The following ACTBL2 variants were observed in gnomAD, a reference collection of about 807,000 sequenced individuals.
ACTBL2 encodes actin beta like 2.
In ACTBL2, 29 loss-of-function variants were observed where a neutral mutation model predicts 23.2. That is an observed-to-expected ratio of 1.25 (90% CI 0.93 to 1.71). The LOEUF is 1.71. Ranked by LOEUF, ACTBL2 falls within the 40% of genes most tolerant of loss-of-function variation. ACTBL2 has a pLI of 0.00. For missense variants in ACTBL2, 524 were observed against 486.2 expected (o/e 1.08, Z -0.73); for synonymous variants, 173 against 182.1 (o/e 0.95, Z 0.40).
In ACTBL2 at chr5:57,481,354, A is replaced by C; in HGVS notation, c.*223T>G. ...TACCTATCTTTGAACAGTATAGGCA[A>C]AGAAAAAGGAATATGGTATTAGAAT... On this transcript the variant is annotated 3_prime_UTR_variant, in exon 1 of 1. Transcript: ENST00000423391. 1 of 568,478 alleles carries C rather than the reference A, an allele frequency of 1.8e-6. No individual in the cohort carries two copies. Among genetic ancestry groups the C allele is most frequent in the Admixed American group, 3.1e-5 (1 of 32,030 alleles). 35.2% of individuals were successfully genotyped at this position (568,478 alleles called of 1,614,324 possible).
rs1745187807 is a variant in ACTBL2, at chr5:57,482,542, C to G, written c.166G>C (p.Gly56Arg). The change falls in exon 1 of 1, where the codon GGA (glycine) becomes CGA (arginine). Residue 56 changes from glycine (G) to arginine (R), a missense_variant. Coordinates refer to ENST00000423391, the MANE Select transcript of ACTBL2 (RefSeq NM_001017992.4). ...VGMGQKDCYV[G>R]DEAQSKRGVL... ...CCTCTCTTGCTCTGAGCCTCATCTCCCACGTAGCAGTCCTTCTGGCCCATG... is the reference window on the plus strand; with the variant it reads ...CCTCTCTTGCTCTGAGCCTCATCTCGCACGTAGCAGTCCTTCTGGCCCATG... 6.2e-7 allele frequency: 1 copy of G among 1,614,090 alleles called. No homozygotes were observed. The highest frequency in any genetic ancestry group is 8.5e-7 in the Non-Finnish European group (1 of 1,180,014).
chr5:57,480,974 A>G lies in ACTBL2; in HGVS notation c.*603T>C, dbSNP rs1334299745. The stretch of plus-strand genomic sequence containing the variant: ...AACAATTAAAATATGTACCTAGTAC[A>G]ACGATGACTTTTGGGAGTAAAGAAA... On this transcript the variant is annotated 3_prime_UTR_variant, in exon 1 of 1. Transcript: ENST00000423391. 1 of 152,262 alleles carries G rather than the reference A, an allele frequency of 6.6e-6. No individual in the cohort carries two copies. Among genetic ancestry groups the G allele is most frequent in the African/African-American group, 2.4e-5 (1 of 41,460 alleles). The allele number at this position is 152,262 out of a possible 1,614,324, so 9.4% of individuals were successfully genotyped here. A position where few individuals can be genotyped will look rare whatever the true frequency, so the allele number is the denominator to read the frequency against.
chr5:57,482,804 TC>T lies in ACTBL2; in HGVS notation c.-98del. The T allele has an allele frequency of 6.9e-7, 1 of 1,457,474 alleles. No homozygotes were observed. The highest frequency in any genetic ancestry group is 1.3e-5 in the South Asian group (1 of 74,650). 90.3% of individuals were successfully genotyped at this position (1,457,474 alleles called of 1,614,324 possible). On this transcript the variant is annotated 5_prime_UTR_variant, in exon 1 of 1. Coordinates refer to ENST00000423391, the MANE Select transcript of ACTBL2 (RefSeq NM_001017992.4). ...GGCCTAAAACACTCCAGAAATGCTTTCAGACACGGGAGGCTGCACCGGGACC... is the reference window on the plus strand; with the variant it reads ...GGCCTAAAACACTCCAGAAATGCTTTAGACACGGGAGGCTGCACCGGGACC...
chr5:57,482,748 T>C lies in ACTBL2; in HGVS notation c.-41A>G, dbSNP rs751934190. On this transcript the variant is annotated 5_prime_UTR_variant, in exon 1 of 1. Coordinates refer to ENST00000423391, the MANE Select transcript of ACTBL2 (RefSeq NM_001017992.4). ...CTTCCAGACGAGTGAACAGGACAAG[T>C]GAATAGACAGTGAGTAAGAGAAAGT... is the stretch of plus-strand genomic sequence containing the variant. The C allele has an allele frequency of 1.3e-6, 2 of 1,598,130 alleles. No homozygotes were observed. Among genetic ancestry groups the C allele is most frequent in the Non-Finnish European group, 1.7e-6 (2 of 1,170,508 alleles).
rs755601828 is a variant in ACTBL2 at position 57,482,157 on chromosome 5, C to T, written c.551G>A (p.Arg184Lys). The change falls in exon 1 of 1, where the codon AGA (arginine) becomes AAA (lysine). Residue 184 changes from arginine to lysine, a missense_variant. By Grantham distance (26) the Arg-to-Lys change is conservative. Transcript: ENST00000423391. ...CTTCATGAGGTAATCAGTCAGGTCT[C>T]TCCCTGCCAGATCCAGGCGTAGAAT... ...HAILRLDLAG[R>K]DLTDYLMKIL... 1.1e-5 allele frequency: 17 copies of T among 1,613,998 alleles called. No homozygotes were observed. The highest frequency in any genetic ancestry group is 1.6e-4 in the Middle Eastern group (1 of 6,084).
Position 57,482,501 on chromosome 5 carries a change from C to T in ACTBL2, c.207G>A (p.Lys69=). The change falls in exon 1 of 1, where the codon AAG becomes AAA. Residue 69 remains lysine, a synonymous_variant. Coordinates refer to ENST00000423391, the MANE Select transcript of ACTBL2 (RefSeq NM_001017992.4). ...TGACCACTCCATGCTCGATAGGATA[C>T]TTCAGGGTCAGGACGCCTCTCTTGC... is the stretch of plus-strand genomic sequence containing the variant. The part of the protein sequence containing the change: ...AQSKRGVLTL[K]YPIEHGVVTN... 1 of 1,614,110 alleles carries T rather than the reference C, an allele frequency of 6.2e-7. No individual in the cohort carries two copies. The highest frequency in any genetic ancestry group is 8.5e-7 in the Non-Finnish European group (1 of 1,180,036).
Position 57,481,783 on chromosome 5 carries a change from C to T in ACTBL2, c.925G>A (p.Gly309Ser). Residue 309 changes from glycine to serine, a missense_variant, in exon 1 of 1, where the codon GGC (glycine) becomes AGC (serine). Physicochemically the swap from Gly to Ser is moderately conservative, Grantham distance 56. Coordinates refer to ENST00000423391, the MANE Select transcript of ACTBL2 (RefSeq NM_001017992.4). Reference protein sequence around the residue: ...VLSGGSTMYPGIADRMQKEII... With the variant: ...VLSGGSTMYPSIADRMQKEII... ...TCTTTCTGCATCCTGTCAGCAATGC[C>T]TGGGTACATGGTGCTCCCTCCAGAT... 1 of 1,614,050 alleles carries T rather than the reference C, an allele frequency of 6.2e-7. No individual in the cohort carries two copies.
rs777902137 is a variant in ACTBL2, at chr5:57,482,332, C to T, written c.376G>A (p.Glu126Lys). 6 of 1,613,898 alleles carry T rather than the reference C, an allele frequency of 3.7e-6. No homozygotes were observed. The highest frequency in any genetic ancestry group is 2.2e-5 in the East Asian group (1 of 44,862). ...NREKMTQIMF[E>K]AFNTPAMYVA... is the part of the protein sequence containing the mutation. ...TACATGGCTGGTGTGTTGAAAGCCT[C>T]GAACATGATCTGAGTCATCTTTTCC... Residue 126 changes from glutamate to lysine, a missense_variant, in exon 1 of 1, where the codon GAG (glutamate) becomes AAG (lysine). By Grantham distance (56) the Glu-to-Lys change is moderately conservative. Transcript: ENST00000423391.
At position 57,481,749 on chromosome 5, in the gene ACTBL2, G is replaced by T. The variant is rs750211813; in HGVS notation, c.959C>A (p.Thr320Asn). The T allele has an allele frequency of 2.5e-6, 4 of 1,613,904 alleles. No individual in the cohort carries two copies. Among genetic ancestry groups the T allele is most frequent in the East Asian group, 4.5e-5 (2 of 44,876 alleles). ...GATTTTCATGGTGCTGGGTGCCAGG[G>T]TTATGATTTCTTTCTGCATCCTGTC... ...IADRMQKEII[T>N]LAPSTMKIKI... Residue 320 changes from threonine (T) to asparagine (N), a missense_variant, in exon 1 of 1, where the codon ACC becomes AAC. Transcript: ENST00000423391.
rs1162032643 is a variant in ACTBL2 at position 57,482,545 on chromosome 5, C to T, written c.163G>A (p.Val55Met). Residue 55 changes from valine (V) to methionine (M), a missense_variant, in exon 1 of 1, where the codon GTG (valine) becomes ATG (methionine). Transcript: ENST00000423391. ...MVGMGQKDCY[V>M]GDEAQSKRGV... ...CTCTTGCTCTGAGCCTCATCTCCCACGTAGCAGTCCTTCTGGCCCATGCCT... is the reference window on the plus strand; with the variant it reads ...CTCTTGCTCTGAGCCTCATCTCCCATGTAGCAGTCCTTCTGGCCCATGCCT... 5.0e-6 allele frequency: 8 copies of T among 1,613,992 alleles called. No individual in the cohort carries two copies. The highest frequency in any genetic ancestry group is 1.6e-4 in the Middle Eastern group (1 of 6,084).
In ACTBL2 at chr5:57,482,186, A is replaced by G. The variant is rs1424692771; in HGVS notation, c.522T>C (p.His174=). The G allele has an allele frequency of 6.2e-7, 1 of 1,614,168 alleles. No homozygotes were observed. The highest frequency in any genetic ancestry group is 8.5e-7 in the Non-Finnish European group (1 of 1,180,042). Reference sequence around the variant, plus strand: ...CTGCCAGATCCAGGCGTAGAATGGCATGAGGCAGGGCATAACCTTCATAGA... The same window carrying G: ...CTGCCAGATCCAGGCGTAGAATGGCGTGAGGCAGGGCATAACCTTCATAGA... The part of the protein sequence containing the change: ...VPIYEGYALP[H]AILRLDLAGR... The change falls in exon 1 of 1, where the codon CAT becomes CAC. Residue 174 remains histidine, a synonymous_variant. Coordinates refer to ENST00000423391, the MANE Select transcript of ACTBL2 (RefSeq NM_001017992.4).
Position 57,481,904 on chromosome 5 carries a change from C to T in ACTBL2, c.804G>A (p.Leu268=), listed in dbSNP as rs776533551. 1 of 1,614,054 alleles carries T rather than the reference C, an allele frequency of 6.2e-7. No homozygotes were observed. Among genetic ancestry groups the T allele is most frequent in the Non-Finnish European group, 8.5e-7 (1 of 1,180,014 alleles). ...CATGGATCCCACTGGACTCAATGCC[C>T]AGAAAGGAAGGCTGGAAAATGGCTT... The part of the protein sequence containing the change: ...CPEAIFQPSF[L]GIESSGIHET... The change falls in exon 1 of 1, where the codon CTG becomes CTA. Residue 268 remains leucine, a synonymous_variant. Coordinates refer to ENST00000423391, the MANE Select transcript of ACTBL2 (RefSeq NM_001017992.4).
Position 57,482,296 on chromosome 5 carries a change from G to A in ACTBL2, c.412C>T (p.Gln138Ter). ...FNTPAMYVAI[Q>*]AVLSLYASGR... is the part of the protein sequence containing the mutation. The stretch of plus-strand genomic sequence containing the variant: ...GAGGCATAGAGGGACAGCACAGCCT[G>A]GATGGCGACATACATGGCTGGTGTG... Residue 138 changes from glutamine (Q) to a stop codon, truncating the protein, a stop_gained, in exon 1 of 1, where the codon CAG (glutamine) becomes TAG (stop). Transcript: ENST00000423391. LOFTEE classifies it high-confidence loss of function. 6.2e-7 allele frequency: 1 copy of A among 1,614,074 alleles called. No homozygotes were observed. The highest frequency in any genetic ancestry group is 8.5e-7 in the Non-Finnish European group (1 of 1,180,014).
chr5:57,482,163 G>T lies in ACTBL2; in HGVS notation c.545C>A (p.Ala182Glu), dbSNP rs184810267. The T allele has an allele frequency of 4.3e-6, 7 of 1,614,084 alleles. No homozygotes were observed. Among genetic ancestry groups the T allele is most frequent in the Non-Finnish European group, 5.9e-6 (7 of 1,180,028 alleles). The change falls in exon 1 of 1, where the codon GCA becomes GAA. Residue 182 changes from alanine (A) to glutamate (E), a missense_variant. By Grantham distance (107) the Ala-to-Glu change is moderately radical. Transcript: ENST00000423391. ...LPHAILRLDLAGRDLTDYLMK... is the reference protein window; with the variant it reads ...LPHAILRLDLEGRDLTDYLMK... ...GAGGTAATCAGTCAGGTCTCTCCCTGCCAGATCCAGGCGTAGAATGGCATG... is the reference window on the plus strand; with the variant it reads ...GAGGTAATCAGTCAGGTCTCTCCCTTCCAGATCCAGGCGTAGAATGGCATG...
In ACTBL2 at chr5:57,480,769, T is replaced by C. The variant is rs923154667; in HGVS notation, c.*808A>G. ...TACCATAATGACATTAATTTGATAT[T>C]ATAATATCTATCTCTCTTAAGAATT... On this transcript the variant is annotated 3_prime_UTR_variant, in exon 1 of 1. Transcript: ENST00000423391. 1 of 152,174 alleles carries C rather than the reference T, an allele frequency of 6.6e-6. No individual in the cohort carries two copies. Among genetic ancestry groups the C allele is most frequent in the Non-Finnish European group, 1.5e-5 (1 of 68,000 alleles). The allele number at this position is 152,174 out of a possible 1,614,324, so 9.4% of individuals were successfully genotyped here.
At position 57,481,997 on chromosome 5, in the gene ACTBL2, C is replaced by T. The variant is rs1484496663; in HGVS notation, c.711G>A (p.Pro237=). Residue 237 remains proline, a synonymous_variant, in exon 1 of 1, where the codon CCG becomes CCA. Transcript: ENST00000423391. ...CATCAGGAAGTTCATAGCTCCGTTC[C>T]GGTGAGGAGGATGCGGCTGCCCTGA... ...EMVRAAASSS[P]ERSYELPDGQ... 5 of 1,614,002 alleles carry T rather than the reference C, an allele frequency of 3.1e-6. No homozygotes were observed. The highest frequency in any genetic ancestry group is 3.3e-5 in the Admixed American group (2 of 60,002).
chr5:57,481,342 A>G lies in ACTBL2; in HGVS notation c.*235T>C, dbSNP rs1745149658. 1 of 478,872 alleles carries G rather than the reference A, an allele frequency of 2.1e-6. No homozygotes were observed. The highest frequency in any genetic ancestry group is 3.7e-6 in the Non-Finnish European group (1 of 272,908). 29.7% of individuals were successfully genotyped at this position (478,872 alleles called of 1,614,324 possible). A position where few individuals can be genotyped will look rare whatever the true frequency, so the allele number is the denominator to read the frequency against. On this transcript the variant is annotated 3_prime_UTR_variant, in exon 1 of 1. Transcript: ENST00000423391. ...TTTAAGCTGGCCTACCTATCTTTGA[A>G]CAGTATAGGCAAAGAAAAAGGAATA... is the stretch of plus-strand genomic sequence containing the variant.
chr5:57,482,766 G>GTCC lies in ACTBL2; in HGVS notation c.-60_-59insGGA, dbSNP rs1745195968. 6.3e-7 allele frequency: 1 copy of GTCC among 1,580,864 alleles called. No homozygotes were observed. Among genetic ancestry groups the GTCC allele is most frequent in the Non-Finnish European group, 8.6e-7 (1 of 1,161,034 alleles). On this transcript the variant is annotated 5_prime_UTR_variant, in exon 1 of 1. Transcript: ENST00000423391. The stretch of plus-strand genomic sequence containing the variant: ...GGACAAGTGAATAGACAGTGAGTAA[G>GTCC]AGAAAGTGAACAGGCCTAAAACACT...
rs1448683019 is a variant in ACTBL2, at chr5:57,482,388, G to A, written c.320C>T (p.Thr107Ile). Residue 107 changes from threonine to isoleucine, a missense_variant, in exon 1 of 1, where the codon ACC becomes ATC. By Grantham distance (89) the Thr-to-Ile change is moderately conservative. Transcript: ENST00000423391. ...GATCTTGGGGTTCAGGGGTGCCTCG[G>A]TGAGGAGGATGGGATGCTCATCTGG... ...VAPDEHPILL[T>I]EAPLNPKINR... 6.2e-7 allele frequency: 1 copy of A among 1,614,160 alleles called. No homozygotes were observed. Among genetic ancestry groups the A allele is most frequent in the Non-Finnish European group, 8.5e-7 (1 of 1,180,034 alleles).
Sources: gnomAD v4.1 joint callset for allele counts on GRCh38, gnomAD v4.1.1 for gene constraint, MANE v1.5 for transcripts, NCBI Gene and HGNC (gene_info 2026-07-23, HGNC 2026-07-21) for gene names.